The following PTPN2 variants were observed in gnomAD, a reference collection of about 807,000 sequenced individuals.
PTPN2 encodes protein tyrosine phosphatase non-receptor type 2, also known as tyrosine-protein phosphatase non-receptor type 2.
A neutral mutation model predicts 57.3 loss-of-function variants in PTPN2; 19 were observed. The ratio of observed to expected loss-of-function variants is 0.33; its 90% CI spans 0.23 to 0.49. PTPN2 has a LOEUF of 0.49. Among genes scored for constraint, PTPN2 ranks in the 20% least tolerant of loss-of-function variants. The pLI, the probability that PTPN2 is intolerant of heterozygous loss-of-function variation, is 0.99. For missense variants in PTPN2, 358 were observed against 501.1 expected (o/e 0.71, Z 2.73); for synonymous variants, 153 against 164.9 (o/e 0.93, Z 0.55).
chr18:12,801,183 A>G (rs1046015774), intron 8 of PTPN2, among the ~76,000 whole-genome samples: 7 of 152,216 alleles, frequency 4.6e-5, no homozygotes, highest in African/African-American at 1.7e-4. Flanking sequence ...CACCTTTGTC[A>G]TCATATACTA....
chr18:12,851,007 T>C (rs1301578699), intron 2 of PTPN2, among the ~76,000 whole-genome samples: 1 of 152,164 alleles, frequency 6.6e-6, no homozygotes, highest in East Asian at 1.9e-4. Context: ...CCCAAAGTGC[T>C]GGGATTACAG....
At chr18:12,835,396 T>TTTTTTTTTG (rs2042825161) in intron 3 of PTPN2, among the ~76,000 whole-genome samples, 1 of 148,240 alleles carries the variant, frequency 6.7e-6, no homozygotes. Context: ...TTTTTTTTTT[T>TTTTTTTTTG]GGACAGTTTT....
intron 8 of PTPN2, 199 bp downstream of exon 8, chr18:12,801,771 G>T: frequency 1.8e-6 from 1 of 564,444 alleles, no homozygotes. Context: ...GTCTCACTAT[G>T]TTGCCCAGGC....
At chr18:12,798,083 G>T (rs184308412) in intron 8 of PTPN2, among the ~76,000 whole-genome samples, 1 of 152,208 alleles carries the variant, frequency 6.6e-6, no homozygotes, top group East Asian at 1.9e-4. Flanking sequence ...TTTCTGGGTT[G>T]AACTGTAATT....
At chr18:12,803,068 C>T (rs1436171100) in intron 7 of PTPN2, among the ~76,000 whole-genome samples, 4 of 152,036 alleles carry the variant, frequency 2.6e-5, no homozygotes, top group Non-Finnish European at 5.9e-5. Flanking sequence ...AAGGACCACA[C>T]AATATAAAAA....
chr18:12,841,969 C>T (rs1048955440), intron 2 of PTPN2, among the ~76,000 whole-genome samples: 3 of 150,372 alleles, frequency 2.0e-5, no homozygotes, highest in African/African-American at 7.4e-5. Flanking sequence ...TGCAATGGTG[C>T]GATCTCAGTT....
At chr18:12,871,554 C>T (rs2044269450) in intron 1 of PTPN2, among the ~76,000 whole-genome samples, 1 of 135,976 alleles carries the variant, frequency 7.4e-6, no homozygotes, top group African/African-American at 3.4e-5. Context: ...ATCTTTTGAC[C>T]TTTATGGTAT....
intron 2 of PTPN2, among the ~76,000 whole-genome samples, chr18:12,848,688 T>C (rs1278786815): frequency 6.6e-6 from 1 of 152,202 alleles, no homozygotes; most frequent in Non-Finnish European, 1.5e-5. Flanking sequence ...CCAGCCCCCA[T>C]TTGAAATGCA....
intron 7 of PTPN2, among the ~76,000 whole-genome samples, chr18:12,807,586 A>AAAAAAAAAAAAAATATAT: frequency 2.8e-5 from 1 of 35,196 alleles, no homozygotes; most frequent in Non-Finnish European, 6.1e-5. Context: ...AAAAAAAAAA[A>AAAAAAAAAAAAAATATAT]ATATATATAT....
chr18:12,851,143 G>A (rs1431278008), intron 2 of PTPN2, among the ~76,000 whole-genome samples: 2 of 151,994 alleles, frequency 1.3e-5, no homozygotes, highest in Non-Finnish European at 2.9e-5. Flanking sequence ...TCTAATTGCT[G>A]GATATAGGGT....
chr18:12,870,512 T>TTG (rs1280776137), intron 1 of PTPN2, among the ~76,000 whole-genome samples: 6 of 75,694 alleles, frequency 7.9e-5, no homozygotes, highest in East Asian at 4.5e-4. Context: ...AGCGTGTTGT[T>TTG]TTTTTTTTTT....
chr18:12,836,725 T>C (rs1201560337), intron 3 of PTPN2, 66 bp downstream of exon 3: 1 of 1,010,402 alleles, frequency 9.9e-7, no homozygotes, highest in South Asian at 1.5e-5. Flanking sequence ...CTTTTACCTA[T>C]GATTTAAAGC....
chr18:12,882,932 A>G (rs1404886212), intron 1 of PTPN2, among the ~76,000 whole-genome samples: 1 of 152,268 alleles, frequency 6.6e-6, no homozygotes, highest in Non-Finnish European at 1.5e-5. Context: ...TCTTGGGAAT[A>G]ATACGACAAG....
chr18:12,884,109 C>G lies in PTPN2; in HGVS notation c.33G>C (p.Glu11Asp), dbSNP rs1395399977. 1 of 1,588,724 alleles carries G rather than the reference C, an allele frequency of 6.3e-7. No individual in the cohort carries two copies. The highest frequency in any genetic ancestry group is 8.6e-7 in the Non-Finnish European group (1 of 1,168,998). ...GCTGCCAGCGACGCTGAGTATCCAACTCTTCGAACTCCCGCTCGATGGTGG... is the reference window on the plus strand; with the variant it reads ...GCTGCCAGCGACGCTGAGTATCCAAGTCTTCGAACTCCCGCTCGATGGTGG... MPTTIEREFE[E>D]LDTQRRWQPL... The change falls in exon 1 of 9, where the codon GAG becomes GAC. Residue 11 changes from glutamate (E) to aspartate (D), a missense_variant. This residue lies in a region of PTPN2 where 62 missense variants were observed against 47.9 expected (regional missense o/e 1.29). Transcript: ENST00000309660.
At chr18:12,873,152 T>C (rs1044059787) in intron 1 of PTPN2, among the ~76,000 whole-genome samples, 2 of 149,180 alleles carry the variant, frequency 1.3e-5, no homozygotes, top group Non-Finnish European at 3.0e-5. Flanking sequence ...ACCAGGGAGG[T>C]GGAGGTTGCA....
intron 7 of PTPN2, among the ~76,000 whole-genome samples, chr18:12,813,934 T>G (rs2041979237): frequency 6.6e-6 from 1 of 152,240 alleles, no homozygotes; most frequent in Admixed American, 6.5e-5. Flanking sequence ...AATTAAAAGA[T>G]TAACCACCCC....
chr18:12,882,580 G>A (rs760009105), intron 1 of PTPN2, among the ~76,000 whole-genome samples: 2 of 152,202 alleles, frequency 1.3e-5, no homozygotes, highest in Admixed American at 6.5e-5. Context: ...TAAAACAAAT[G>A]TAACTGGAGA....
chr18:12,827,071 C>T (rs980793587), intron 4 of PTPN2, among the ~76,000 whole-genome samples: 47 of 152,034 alleles, frequency 3.1e-4, no homozygotes, highest in African/African-American at 1.0e-3. Context: ...TGGCCAAGCG[C>T]GGTGGCTCAC....
intron 6 of PTPN2, among the ~76,000 whole-genome samples, chr18:12,815,198 G>A (rs1445503665): frequency 6.6e-6 from 1 of 151,800 alleles, no homozygotes; most frequent in Non-Finnish European, 1.5e-5. Flanking sequence ...CAGATTATGA[G>A]GTCAAGAGAT....
Sources: allele counts gnomAD v4.1 joint callset (sites outside exome capture counted in the v4.1 genomes callset), GRCh38; gene constraint gnomAD v4.1.1; regional missense constraint gnomAD v4.1.1; transcripts MANE v1.5; gene names NCBI Gene and HGNC (gene_info 2026-07-23, HGNC 2026-07-21).